CREB5: variants seen among roughly 807,000 people sequenced by gnomAD.
CREB5 encodes the protein cAMP responsive element binding protein 5.
In CREB5, 19 loss-of-function variants were observed where a neutral mutation model predicts 57.1. That is an observed-to-expected ratio of 0.33 (90% CI 0.23 to 0.49). The LOEUF (loss-of-function observed/expected upper bound fraction) is 0.49. Among genes scored for constraint, CREB5 ranks in the 20% least tolerant of loss-of-function variants. CREB5 has a pLI of 0.99. For missense variants in CREB5, 579 were observed against 671.6 expected, an observed-to-expected ratio of 0.86 and a Z score of 1.52; for synonymous variants, 238 against 238.3, an observed-to-expected ratio of 1.00 and a Z score of 0.01.
chr7:28,404,576 T>C (rs1002369548), intron 1 of CREB5, among the ~76,000 whole-genome samples: 2 of 152,180 alleles, frequency 1.3e-5, no homozygotes, highest in African/African-American at 4.8e-5. Context: ...AGGCTTCTTT[T>C]ATAAAGCATA....
At chr7:28,498,113 T>C (rs1317674820) in intron 3 of CREB5, among the ~76,000 whole-genome samples, 1 of 152,188 alleles carries the variant, frequency 6.6e-6, no homozygotes, top group Non-Finnish European at 1.5e-5. Context: ...TAAAGCCTTC[T>C]GGTCCTGGAA....
chr7:28,641,493 A>G (rs141396630), intron 5 of CREB5, among the ~76,000 whole-genome samples: 8 of 152,306 alleles, frequency 5.3e-5, no homozygotes, highest in African/African-American at 1.9e-4. Flanking sequence ...TAAACGTAGC[A>G]CAAGGTTCTC....
chr7:28,473,379 CT>C (rs1436858459), intron 1 of CREB5, among the ~76,000 whole-genome samples: 1 of 152,196 alleles, frequency 6.6e-6, no homozygotes, highest in Non-Finnish European at 1.5e-5. Context: ...ACATCACCCT[CT>C]TTATCTCTTT....
chr7:28,604,831 TTAAA>T (rs1286521894), intron 5 of CREB5, among the ~76,000 whole-genome samples: 6 of 152,226 alleles, frequency 3.9e-5, no homozygotes, highest in African/African-American at 1.4e-4. Context: ...AACATTACTC[TTAAA>T]TAAAGTGTTT....
intron 4 of CREB5, among the ~76,000 whole-genome samples, chr7:28,560,985 C>CGTGCGCGTGCGT (rs1795229204): frequency 1.5e-4 from 4 of 27,378 alleles, no homozygotes; most frequent in Admixed American, 4.5e-4. Context: ...TGTGTGCGTG[C>CGTGCGCGTGCGT]GTGTGTGTGC....
intron 1 of CREB5, among the ~76,000 whole-genome samples, chr7:28,427,025 C>T (rs892708261): frequency 2.0e-5 from 3 of 152,156 alleles, no homozygotes; most frequent in East Asian, 1.9e-4. Context: ...TTTAGGTATA[C>T]GGATGAAGTC....
rs190312883 is a variant in CREB5, at chr7:28,691,045, C to T, written c.465-27708C>T. Among the ~76,000 whole-genome samples the T allele has an allele frequency of 8.5e-5, 13 of 152,300 alleles. No individual in the cohort carries two copies. The East Asian group carries it at 1.9e-3, about 23-fold the overall frequency. ...AGAAAGGATGCTTACTGCCCTGTGGCACTGTGAACAAGAAAATAAAGTGAG... is the reference window on the plus strand; with the variant it reads ...AGAAAGGATGCTTACTGCCCTGTGGTACTGTGAACAAGAAAATAAAGTGAG... On this transcript the variant is annotated intron_variant, in intron 5 of 10. Transcript: ENST00000357727.
rs527393095 is a variant in CREB5, at chr7:28,723,395, C to T, written c.592-827C>T. Among the ~76,000 whole-genome samples, 10 of 152,276 alleles carry T rather than the reference C, an allele frequency of 6.6e-5. No individual in the cohort carries two copies. In the South Asian group the frequency reaches 1.5e-3, roughly 22 times the overall value. On this transcript the variant is annotated intron_variant, in intron 6 of 10. Coordinates refer to ENST00000357727, the MANE Select transcript of CREB5 (RefSeq NM_182898.4). ...CCCTGGAGATTAAAATGCCAGAACT[C>T]GATTCAGGTATTTGAACGATGTTCA...
chr7:28,627,196 T>C (rs1434204523), intron 5 of CREB5, among the ~76,000 whole-genome samples: 1 of 152,258 alleles, frequency 6.6e-6, no homozygotes, highest in Non-Finnish European at 1.5e-5. Flanking sequence ...TGTTCCAAAA[T>C]GTCTATCACA....
At chr7:28,549,300 T>C (rs754270440) in intron 4 of CREB5, among the ~76,000 whole-genome samples, 30 of 152,274 alleles carry the variant, frequency 2.0e-4, no homozygotes, top group Non-Finnish European at 1.5e-4. Flanking sequence ...TACTGCTGTG[T>C]ATTCTTCAAA....
At chr7:28,436,941 T>G (rs905122648) in intron 1 of CREB5, among the ~76,000 whole-genome samples, 2 of 152,174 alleles carry the variant, frequency 1.3e-5, no homozygotes, top group Admixed American at 6.5e-5. Context: ...AAGGTTGTAT[T>G]AGAGGCAAAT....
intron 1 of CREB5, among the ~76,000 whole-genome samples, chr7:28,351,186 T>C (rs1786178282): frequency 6.6e-6 from 1 of 152,210 alleles, no homozygotes; most frequent in South Asian, 2.1e-4. Context: ...GAAAATGGCA[T>C]TTTCAATTTT....
chr7:28,445,568 T>G (rs1478804094), intron 1 of CREB5, among the ~76,000 whole-genome samples: 2 of 151,972 alleles, frequency 1.3e-5, no homozygotes, highest in African/African-American at 4.8e-5. Context: ...TTTTTTTTAT[T>G]TGAGACGGAA....
chr7:28,742,364 A>T (rs1804411226), intron 7 of CREB5, among the ~76,000 whole-genome samples: 1 of 152,214 alleles, frequency 6.6e-6, no homozygotes, highest in Non-Finnish European at 1.5e-5. Context: ...CAGGAGATCG[A>T]GACCATCCTG....
At chr7:28,430,898 A>G (rs902270642) in intron 1 of CREB5, among the ~76,000 whole-genome samples, 2 of 152,156 alleles carry the variant, frequency 1.3e-5, no homozygotes, top group South Asian at 2.1e-4. Context: ...AGTCACCTCA[A>G]ACCTCAGTGG....
chr7:28,745,671 C>T (rs1804647937), intron 7 of CREB5, among the ~76,000 whole-genome samples: 1 of 152,140 alleles, frequency 6.6e-6, no homozygotes. Flanking sequence ...AGAGCTAGAG[C>T]AGATGATCCA....
At chr7:28,727,971 G>A (rs751738469) in intron 7 of CREB5, among the ~76,000 whole-genome samples, 16 of 152,048 alleles carry the variant, frequency 1.1e-4, no homozygotes, top group Non-Finnish European at 2.4e-4. Context: ...TTTGAGGCAG[G>A]ATCTCACTCT....
chr7:28,362,305 T>C (rs1295257923), intron 1 of CREB5, among the ~76,000 whole-genome samples: 1 of 152,234 alleles, frequency 6.6e-6, no homozygotes, highest in Non-Finnish European at 1.5e-5. Context: ...AATTAATACT[T>C]ATTTTTAATT....
chr7:28,317,241 A>G (rs1200973500), intron 1 of CREB5, among the ~76,000 whole-genome samples: 2 of 152,190 alleles, frequency 1.3e-5, no homozygotes, highest in African/African-American at 4.8e-5. Context: ...TTACCCCAGG[A>G]AAGTGTAATG....
Sources: allele counts gnomAD v4.1 joint callset (sites outside exome capture counted in the v4.1 genomes callset), GRCh38; gene constraint gnomAD v4.1.1; transcripts MANE v1.5; gene names NCBI Gene and HGNC (gene_info 2026-07-23, HGNC 2026-07-21).